Variants in PIAS2 observed in about 807,000 individuals in gnomAD.
The protein encoded by PIAS2 is protein inhibitor of activated STAT 2.
PIAS2 carries 19 observed loss-of-function variants against 69.7 expected under a neutral mutation model. That is an observed-to-expected ratio of 0.27 (90% confidence interval 0.19 to 0.40). PIAS2 has a LOEUF of 0.40. Among genes scored for constraint, PIAS2 ranks in the 10% least tolerant of loss-of-function variants. The pLI is 1.00. For synonymous variants in PIAS2, 261 were observed against 263.2 expected, an observed-to-expected ratio of 0.99 and a Z score of 0.08; for missense variants, 624 against 757.0, an observed-to-expected ratio of 0.82 and a Z score of 2.06.
chr18:46,859,427 C>CAAAA (rs55776913), intron 3 of PIAS2, among the ~76,000 whole-genome samples: 46 of 89,538 alleles, frequency 5.1e-4, no homozygotes, highest in Admixed American at 9.1e-4. Flanking sequence ...GACTCCGTCT[C>CAAAA]AAAAAAAAAA....
At chr18:46,846,503 AAG>A (rs2046184468) in intron 6 of PIAS2, 1 of 397,372 alleles carries the variant, frequency 2.5e-6, no homozygotes, top group Non-Finnish European at 4.4e-6. Context: ...CAGGAAAATA[AAG>A]AGATGATATT....
intron 12 of PIAS2, chr18:46,818,300 A>C: frequency 7.1e-7 from 1 of 1,400,416 alleles, no homozygotes. Flanking sequence ...CACTAGCAAT[A>C]ATAAGGCAGT....
At chr18:46,911,813 A>C (rs1349789886) in intron 1 of PIAS2, among the ~76,000 whole-genome samples, 2 of 152,220 alleles carry the variant, frequency 1.3e-5, no homozygotes, top group African/African-American at 4.8e-5. Context: ...TGGGAGGCCA[A>C]GGGAGGGGGA....
At position 46,812,577 on chromosome 18, in the gene PIAS2, T is replaced by G; in HGVS notation, c.1722A>C (p.Ser574=). The G allele has an allele frequency of 6.2e-7, 1 of 1,613,286 alleles. No homozygotes were observed. Among genetic ancestry groups the G allele is most frequent in the Admixed American group, 1.7e-5 (1 of 59,980 alleles). ...CAGACGTACTGCTTGCTGTTAAGGG[T>G]GAGGTGAGACTATCCAAAAACATAG... ...CPPMFLDSLT[S]PLTASSTSVT... Residue 574 remains serine, a synonymous_variant, in exon 14 of 14, where the codon TCA becomes TCC. Coordinates refer to ENST00000585916, the MANE Select transcript of PIAS2 (RefSeq NM_004671.5).
rs2041821491 is a variant in PIAS2, at chr18:46,818,574, A to C, written c.1648+2359T>G. 4 of 783,186 alleles carry C rather than the reference A, an allele frequency of 5.1e-6. No individual in the cohort carries two copies. In the East Asian group the frequency reaches 1.5e-4, roughly 29 times the overall value. The allele number at this position is 783,186 out of a possible 1,614,324, so 48.5% of individuals were successfully genotyped here. ...TTATTATAAATTATTAAGTTTATCA[A>C]TACCAAAACTCTTCACAGTATGACT... On this transcript the variant is annotated intron_variant, in intron 12 of 13. Coordinates refer to ENST00000585916, the MANE Select transcript of PIAS2 (RefSeq NM_004671.5).
At position 46,804,668 on chromosome 18, in the gene PIAS2, T is replaced by C. The variant is rs1370144563; in HGVS notation, c.*7765A>G. The stretch of plus-strand genomic sequence containing the variant: ...CTCACATTTCTCCACATTACTTCTA[T>C]TAAATCATTGAGGTGCCTCATTTAC... On this transcript the variant is annotated 3_prime_UTR_variant, in exon 14 of 14. Transcript: ENST00000585916. The C allele has an allele frequency of 6.6e-6, 1 of 152,232 alleles. No homozygotes were observed. The highest frequency in any genetic ancestry group is 2.4e-5 in the African/African-American group (1 of 41,462). The allele number at this position is 152,232 out of a possible 1,614,324, so 9.4% of individuals were successfully genotyped here.
At chr18:46,911,048 G>A (rs1211963005) in intron 1 of PIAS2, among the ~76,000 whole-genome samples, 2 of 152,074 alleles carry the variant, frequency 1.3e-5, no homozygotes, top group Non-Finnish European at 2.9e-5. Context: ...GATGACAGCT[G>A]GGTAACAGGT....
intron 8 of PIAS2, among the ~76,000 whole-genome samples, chr18:46,837,246 TTCCACTCA>T (rs1275050854): frequency 6.6e-6 from 1 of 152,024 alleles, no homozygotes; most frequent in Non-Finnish European, 1.5e-5. Flanking sequence ...ACATGCTTTG[TTCCACTCA>T]ACCTTTTCAA....
intron 1 of PIAS2, among the ~76,000 whole-genome samples, chr18:46,892,177 CT>C (rs2054172198): frequency 6.6e-6 from 1 of 152,054 alleles, no homozygotes; most frequent in South Asian, 2.1e-4. Flanking sequence ...TTGCTCTGTA[CT>C]TTTTAAGTCT....
intron 3 of PIAS2, among the ~76,000 whole-genome samples, chr18:46,856,700 T>C (rs896131073): frequency 1.4e-4 from 21 of 152,186 alleles, no homozygotes; most frequent in African/African-American, 4.8e-4. Flanking sequence ...GTGACATGTA[T>C]ACACATTACA....
chr18:46,907,523 C>G (rs1405719544), intron 1 of PIAS2: 1 of 152,104 alleles, frequency 6.6e-6, no homozygotes, highest in Non-Finnish European at 1.5e-5. Flanking sequence ...AAGGCAGAAA[C>G]AACAGAATAC....
At chr18:46,860,472 A>T (rs1271238033) in intron 3 of PIAS2, among the ~76,000 whole-genome samples, 4 of 152,228 alleles carry the variant, frequency 2.6e-5, no homozygotes, top group African/African-American at 7.2e-5. Context: ...AGAAAATACA[A>T]GATAAGCCTT....
intron 12 of PIAS2, chr18:46,816,252 GC>G (rs1376918281): frequency 6.8e-5 from 67 of 981,244 alleles, no homozygotes; most frequent in Non-Finnish European, 7.6e-5. Context: ...CTGACATTAT[GC>G]TTTTATGCAA....
chr18:46,873,463 C>T (rs546015416), intron 2 of PIAS2, among the ~76,000 whole-genome samples: 1 of 152,056 alleles, frequency 6.6e-6, no homozygotes, highest in Admixed American at 6.5e-5. Context: ...AATGGGTATT[C>T]GGTGGTTGAT....
chr18:46,867,302 C>G (rs930916705), intron 2 of PIAS2, among the ~76,000 whole-genome samples: 4 of 151,844 alleles, frequency 2.6e-5, no homozygotes, highest in Non-Finnish European at 5.9e-5. Flanking sequence ...TAACCAGACT[C>G]CAGGAACTTA....
chr18:46,872,086 G>A (rs141794270), intron 2 of PIAS2, among the ~76,000 whole-genome samples: 14 of 152,246 alleles, frequency 9.2e-5, no homozygotes, highest in Admixed American at 7.8e-4. Context: ...ACCTGTAGTC[G>A]AAGGTCTCAT....
chr18:46,818,169 CTTAT>C (rs10533549), intron 12 of PIAS2: 215,462 of 1,136,136 alleles, frequency 0.19, 21,636 homozygotes, highest in Non-Finnish European at 0.21. Flanking sequence ...ACACATTTTC[CTTAT>C]TTGAGTCATA....
At position 46,807,376 on chromosome 18, in the gene PIAS2, TATA is replaced by T. The variant is rs574081301; in HGVS notation, c.*5054_*5056del. 7.0e-4 allele frequency: 22 copies of T among 31,596 alleles called. No individual in the cohort carries two copies. The highest frequency in any genetic ancestry group is 2.8e-3 in the African/African-American group (14 of 4,950). 2.0% of individuals were successfully genotyped at this position (31,596 alleles called of 1,614,324 possible). ...GATTTTATATATATATATATATATA[TATA>T]TATATTTTTTTTTTTTTTTTTTTTT... On this transcript the variant is annotated 3_prime_UTR_variant, in exon 14 of 14. Transcript: ENST00000585916.
At chr18:46,872,015 C>T (rs1271886445) in intron 2 of PIAS2, among the ~76,000 whole-genome samples, 2 of 152,174 alleles carry the variant, frequency 1.3e-5, no homozygotes, top group Admixed American at 6.5e-5. Flanking sequence ...TTAAAACCCC[C>T]AGGGGAAATA....
Sources: allele counts gnomAD v4.1 joint callset (sites outside exome capture counted in the v4.1 genomes callset), GRCh38; gene constraint gnomAD v4.1.1; transcripts MANE v1.5; gene names NCBI Gene and HGNC (gene_info 2026-07-23, HGNC 2026-07-21).